PIWIL2: variants seen among roughly 807,000 people sequenced by gnomAD.
PIWIL2 encodes piwi like RNA-mediated gene silencing 2.
PIWIL2 carries 81 observed loss-of-function variants against 116.5 expected under a neutral mutation model. The observed-to-expected ratio is 0.70, with a 90% CI of 0.58 to 0.84. The LOEUF is 0.84. Ranked by LOEUF, PIWIL2 falls within the 40% of genes least tolerant of loss-of-function variation. The pLI is 0.00. For synonymous variants in PIWIL2, 489 were observed against 429.5 expected (o/e 1.14, Z -1.71); for missense variants, 1,272 against 1,212.3 (o/e 1.05, Z -0.73).
At chr8:22,289,523 T>G (rs993596008) in intron 8 of PIWIL2, among the ~76,000 whole-genome samples, 1 of 152,226 alleles carries the variant, frequency 6.6e-6, no homozygotes, top group African/African-American at 2.4e-5. Context: ...ACACTGTTAT[T>G]CACACACTTA....
At chr8:22,342,810 G>C (rs1263243470) in intron 20 of PIWIL2, among the ~76,000 whole-genome samples, 1 of 152,066 alleles carries the variant, frequency 6.6e-6, no homozygotes, top group Non-Finnish European at 1.5e-5. Context: ...ACTGATAAGA[G>C]GATGAAACAA....
At chr8:22,294,242 G>A (rs571272974) in intron 10 of PIWIL2, among the ~76,000 whole-genome samples, 1 of 150,968 alleles carries the variant, frequency 6.6e-6, no homozygotes, top group East Asian at 2.0e-4. Context: ...GGAGGCGGAG[G>A]CACGAGAATC....
At chr8:22,313,241 G>T (rs1025934865) in intron 16 of PIWIL2, among the ~76,000 whole-genome samples, 1 of 152,102 alleles carries the variant, frequency 6.6e-6, no homozygotes, top group Non-Finnish European at 1.5e-5. Context: ...TCACAAACTC[G>T]TATGTCTCCA....
At chr8:22,325,972 G>A (rs968259302) in intron 20 of PIWIL2, among the ~76,000 whole-genome samples, 3 of 152,128 alleles carry the variant, frequency 2.0e-5, no homozygotes, top group South Asian at 2.1e-4. Context: ...ATAGCCATCC[G>A]CACTCTCTTG....
intron 20 of PIWIL2, among the ~76,000 whole-genome samples, chr8:22,318,943 C>T (rs971087632): frequency 9.2e-5 from 14 of 152,182 alleles, no homozygotes; most frequent in East Asian, 1.9e-4. Context: ...ACTTATTAGG[C>T]GCTGGCTCTT....
At chr8:22,297,931 A>G (rs188284943) in intron 10 of PIWIL2, among the ~76,000 whole-genome samples, 3 of 152,188 alleles carry the variant, frequency 2.0e-5, no homozygotes, top group African/African-American at 7.2e-5. Flanking sequence ...CCTTATATGT[A>G]TAGACAGCAG....
At chr8:22,283,978 C>T (rs949804286) in intron 5 of PIWIL2, among the ~76,000 whole-genome samples, 184 bp from the exon 6 acceptor site, 2 of 152,112 alleles carry the variant, frequency 1.3e-5, no homozygotes, top group Non-Finnish European at 1.5e-5. Flanking sequence ...GTCTTGCTAA[C>T]GATTTGCCTT....
At chr8:22,348,628 G>A (rs377245265) in intron 20 of PIWIL2, among the ~76,000 whole-genome samples, 26 of 152,228 alleles carry the variant, frequency 1.7e-4, no homozygotes, top group Middle Eastern at 3.4e-3. Context: ...AAAATTAGCC[G>A]GGCTTGATGG....
intron 14 of PIWIL2, 33 bp from the exon 15 acceptor site, chr8:22,309,928 G>A (rs1563382880): frequency 7.8e-7 from 1 of 1,286,236 alleles, no homozygotes; most frequent in Admixed American, 1.7e-5. Context: ...GTTTGAAAAG[G>A]CTCATGTCAT....
At chr8:22,320,252 C>T (rs886991597) in intron 20 of PIWIL2, among the ~76,000 whole-genome samples, 6 of 145,154 alleles carry the variant, frequency 4.1e-5, no homozygotes, top group African/African-American at 1.0e-4. Context: ...TGAGCTGCTG[C>T]GCCCGGCTTT....
At chr8:22,353,430 C>T (rs1398482816) in intron 21 of PIWIL2, among the ~76,000 whole-genome samples, 1 of 152,114 alleles carries the variant, frequency 6.6e-6, no homozygotes, top group African/African-American at 2.4e-5. Flanking sequence ...AGTTAGATCA[C>T]CTGAGGTCAG....
At chr8:22,325,578 G>A (rs1831706405) in intron 20 of PIWIL2, among the ~76,000 whole-genome samples, 1 of 140,416 alleles carries the variant, frequency 7.1e-6, no homozygotes. Context: ...CCACCTCCCA[G>A]GTTCAAGTGA....
intron 1 of PIWIL2, among the ~76,000 whole-genome samples, chr8:22,276,720 G>C (rs527709504): frequency 6.6e-6 from 1 of 152,068 alleles, no homozygotes; most frequent in Non-Finnish European, 1.5e-5. Flanking sequence ...GGGCAACATG[G>C]CAAGATCCCG....
At chr8:22,279,140 TG>T (rs1830442915) in intron 1 of PIWIL2, among the ~76,000 whole-genome samples, 200 bp from the exon 2 acceptor site, 1 of 152,130 alleles carries the variant, frequency 6.6e-6, no homozygotes, top group South Asian at 2.1e-4. Context: ...CCAAAAAGGT[TG>T]GGGACCACTG....
At chr8:22,348,401 A>G (rs1008504770) in intron 20 of PIWIL2, among the ~76,000 whole-genome samples, 5 of 152,110 alleles carry the variant, frequency 3.3e-5, no homozygotes, top group African/African-American at 9.7e-5. Flanking sequence ...ACATAAAAAC[A>G]TGTCAAACAC....
At chr8:22,321,320 C>G (rs1225164707) in intron 20 of PIWIL2, among the ~76,000 whole-genome samples, 1 of 151,944 alleles carries the variant, frequency 6.6e-6, no homozygotes, top group East Asian at 1.9e-4. Context: ...GCTATTTTGC[C>G]CAGGCTGGTC....
chr8:22,294,890 A>C, intron 10 of PIWIL2, among the ~76,000 whole-genome samples: 1 of 95,594 alleles, frequency 1.0e-5, no homozygotes, highest in African/African-American at 3.6e-5. Context: ...GTGAAATCCC[A>C]TCTTTACTGG....
At chr8:22,302,422 G>T (rs1007538118) in intron 10 of PIWIL2, among the ~76,000 whole-genome samples, 1 of 151,902 alleles carries the variant, frequency 6.6e-6, no homozygotes, top group African/African-American at 2.4e-5. Flanking sequence ...ATCATGATCC[G>T]CCCACCTCGG....
chr8:22,284,538 C>T (rs1238649772), intron 6 of PIWIL2, among the ~76,000 whole-genome samples: 1 of 152,174 alleles, frequency 6.6e-6, no homozygotes, highest in Non-Finnish European at 1.5e-5. Flanking sequence ...ATTAATGAAG[C>T]TTAAGTTCAG....
Sources: gnomAD v4.1 joint callset for allele counts (sites outside exome capture counted in the v4.1 genomes callset) on GRCh38, gnomAD v4.1.1 for gene constraint, MANE v1.5 for transcripts, NCBI Gene and HGNC (gene_info 2026-07-23, HGNC 2026-07-21) for gene names.